The following ADAMTS12 variants were observed in gnomAD, a reference collection of about 807,000 sequenced individuals.
ADAMTS12 encodes the protein A disintegrin and metalloproteinase with thrombospondin motifs 12.
A neutral mutation model predicts 167.8 loss-of-function variants in ADAMTS12; 118 were observed. The ratio of observed to expected loss-of-function variants is 0.70; its 90% CI spans 0.61 to 0.82. ADAMTS12 has a LOEUF of 0.82. Ranked by LOEUF, ADAMTS12 falls within the 40% of genes least tolerant of loss-of-function variation. The pLI, the probability that ADAMTS12 is intolerant of heterozygous loss-of-function variation, is 0.00. For synonymous variants in ADAMTS12, 704 were observed against 716.9 expected (o/e 0.98, Z 0.29); for missense variants, 1,916 against 1,998.8 (o/e 0.96, Z 0.79).
At chr5:33,831,669 C>T (rs937718745) in intron 2 of ADAMTS12, among the ~76,000 whole-genome samples, 1 of 152,226 alleles carries the variant, frequency 6.6e-6, no homozygotes, top group African/African-American at 2.4e-5. Context: ...ATTCACTGTG[C>T]TGCTTAATTA....
chr5:33,676,705 C>CACACAT (rs1390387065), intron 5 of ADAMTS12, among the ~76,000 whole-genome samples: 14 of 149,452 alleles, frequency 9.4e-5, no homozygotes, highest in African/African-American at 3.0e-4. Flanking sequence ...CACACACACA[C>CACACAT]ACAGAGAGAG....
chr5:33,793,980 A>G (rs964265293), intron 2 of ADAMTS12, among the ~76,000 whole-genome samples: 1 of 152,176 alleles, frequency 6.6e-6, no homozygotes, highest in East Asian at 1.9e-4. Context: ...GTTCAGCTAG[A>G]GAATTCCTCC....
At chr5:33,770,082 C>T (rs1221075616) in intron 2 of ADAMTS12, among the ~76,000 whole-genome samples, 1 of 152,028 alleles carries the variant, frequency 6.6e-6, no homozygotes, top group Non-Finnish European at 1.5e-5. Flanking sequence ...ATAATGGTCC[C>T]GCTAACAAAG....
intron 20 of ADAMTS12, among the ~76,000 whole-genome samples, chr5:33,554,938 G>A (rs756454219): frequency 2.0e-5 from 3 of 152,074 alleles, no homozygotes; most frequent in Non-Finnish European, 2.9e-5. Flanking sequence ...AAAAGGCAAC[G>A]TTGCCTATGT....
chr5:33,884,062 A>G (rs1253160014), intron 1 of ADAMTS12, among the ~76,000 whole-genome samples: 3 of 152,202 alleles, frequency 2.0e-5, no homozygotes, highest in African/African-American at 7.2e-5. Context: ...TCAGCTGGGT[A>G]TAGTAACGGT....
At chr5:33,832,898 T>A (rs996819117) in intron 2 of ADAMTS12, among the ~76,000 whole-genome samples, 1 of 152,078 alleles carries the variant, frequency 6.6e-6, no homozygotes, top group African/African-American at 2.4e-5. Flanking sequence ...TGGCCTGAAA[T>A]CAAAAAGTGA....
At chr5:33,701,082 G>A (rs1313582093) in intron 3 of ADAMTS12, among the ~76,000 whole-genome samples, 1 of 152,040 alleles carries the variant, frequency 6.6e-6, no homozygotes, top group Non-Finnish European at 1.5e-5. Flanking sequence ...GAAAGAGGAA[G>A]TGTCCATGAC....
intron 19 of ADAMTS12, among the ~76,000 whole-genome samples, chr5:33,568,298 A>C (rs1362843459): frequency 6.6e-6 from 1 of 152,246 alleles, no homozygotes; most frequent in Non-Finnish European, 1.5e-5. Flanking sequence ...TAGAAATCAA[A>C]CATAAATCAA....
At chr5:33,873,202 T>C (rs926851782) in intron 2 of ADAMTS12, among the ~76,000 whole-genome samples, 1 of 150,272 alleles carries the variant, frequency 6.7e-6, no homozygotes, top group Non-Finnish European at 1.5e-5. Flanking sequence ...GAAACAATTG[T>C]AGCAAGTGAT....
chr5:33,629,776 A>T (rs895475555), intron 13 of ADAMTS12, among the ~76,000 whole-genome samples: 4 of 152,128 alleles, frequency 2.6e-5, no homozygotes, highest in Admixed American at 6.6e-5. Flanking sequence ...TCCTTTAAAA[A>T]TTTTCATTTT....
At position 33,555,649 on chromosome 5, in the gene ADAMTS12, T is replaced by C. The variant is rs1501725; in HGVS notation, c.4125+5378A>G. Among the ~76,000 whole-genome samples the C allele has an allele frequency of 1.3e-3, 196 of 152,308 alleles. 6 individuals are homozygous for C. Among genetic ancestry groups the C allele is most frequent in the Admixed American group, 9.1e-3 (139 of 15,298 alleles). ...TCATTTCTTTCTGAAAAGCTGTAAT[T>C]AAAATGACATAATCCCCCAGGTGAC... On this transcript the variant is annotated intron_variant, in intron 20 of 23. Coordinates refer to ENST00000504830, the MANE Select transcript of ADAMTS12 (RefSeq NM_030955.4).
chr5:33,855,886 C>T (rs189590605), intron 2 of ADAMTS12, among the ~76,000 whole-genome samples: 17 of 152,234 alleles, frequency 1.1e-4, no homozygotes, highest in African/African-American at 3.6e-4. Flanking sequence ...GCCACCACAC[C>T]CAGCTATTTT....
chr5:33,795,260 G>A (rs1454590168), intron 2 of ADAMTS12, among the ~76,000 whole-genome samples: 3 of 152,134 alleles, frequency 2.0e-5, no homozygotes, highest in East Asian at 1.9e-4. Context: ...AAAGAGACGG[G>A]AATCATTAGG....
intron 20 of ADAMTS12, among the ~76,000 whole-genome samples, chr5:33,558,311 T>C (rs2111874751): frequency 6.6e-6 from 1 of 152,312 alleles, no homozygotes; most frequent in South Asian, 2.1e-4. Context: ...GCATCTTTGA[T>C]ATAAGGTTTA....
rs545021926 is a variant in ADAMTS12 at position 33,839,198 on chromosome 5, T to C, written c.489+41921A>G. On this transcript the variant is annotated intron_variant, in intron 2 of 23. Coordinates refer to ENST00000504830, the MANE Select transcript of ADAMTS12 (RefSeq NM_030955.4). ...GTGACTTTTAGAAAGGCACTTAACATGTTTGTGCCTCAGTGTCATTGTCTA... is the reference window on the plus strand; with the variant it reads ...GTGACTTTTAGAAAGGCACTTAACACGTTTGTGCCTCAGTGTCATTGTCTA... 2.6e-5 allele frequency among the ~76,000 whole-genome samples: 4 copies of C among 152,334 alleles called. No individual in the cohort carries two copies. The East Asian group carries it at 5.8e-4, about 22-fold the overall frequency.
At chr5:33,755,991 C>T (rs1745155376) in intron 2 of ADAMTS12, among the ~76,000 whole-genome samples, 1 of 152,094 alleles carries the variant, frequency 6.6e-6, no homozygotes, top group Admixed American at 6.5e-5. Context: ...AAAATAGCAC[C>T]CCAAAAATTC....
intron 19 of ADAMTS12, among the ~76,000 whole-genome samples, chr5:33,568,727 T>G (rs925120626): frequency 4.6e-5 from 7 of 151,948 alleles, no homozygotes; most frequent in African/African-American, 1.7e-4. Flanking sequence ...CACTAGGGAG[T>G]GCCAGAAAGT....
At chr5:33,586,457 T>TA (rs1747357399) in intron 18 of ADAMTS12, among the ~76,000 whole-genome samples, 1 of 152,236 alleles carries the variant, frequency 6.6e-6, no homozygotes, top group African/African-American at 2.4e-5. Flanking sequence ...TGTGGTCCAT[T>TA]GACTATGCAA....
rs1442546194 is a variant in ADAMTS12, at chr5:33,576,874, G to C, written c.3152C>G (p.Pro1051Arg). 6.2e-7 allele frequency: 1 copy of C among 1,614,176 alleles called. No individual in the cohort carries two copies. The highest frequency in any genetic ancestry group is 2.2e-5 in the East Asian group (1 of 44,878). Residue 1051 changes from proline to arginine, a missense_variant, in exon 19 of 24, where the codon CCT (proline) becomes CGT (arginine). Pro to Arg is a moderately radical substitution (Grantham distance 103, BLOSUM62 -2). Coordinates refer to ENST00000504830, the MANE Select transcript of ADAMTS12 (RefSeq NM_030955.4). ...MSTSTPAISS[P>R]SPTTASKEGD... ...TTCTTTGGAGGCTGTGGTAGGACTA[G>C]GGCTGCTGATTGCTGGAGTGCTTGT...
Sources: allele counts gnomAD v4.1 joint callset (sites outside exome capture counted in the v4.1 genomes callset), GRCh38; gene constraint gnomAD v4.1.1; transcripts MANE v1.5; gene names NCBI Gene and HGNC (gene_info 2026-07-23, HGNC 2026-07-21).